Variants in PPFIA2 observed in about 807,000 individuals in gnomAD.
The protein encoded by PPFIA2 is liprin-alpha-2.
PPFIA2 carries 46 observed loss-of-function variants against 175.5 expected under a neutral mutation model. The observed-to-expected ratio is 0.26, with a 90% CI of 0.21 to 0.34. The LOEUF (loss-of-function observed/expected upper bound fraction) is 0.34, where lower values mean the gene tolerates loss of function less well. PPFIA2 is among the 10% of genes least tolerant of loss of function. The probability of loss-of-function intolerance (pLI) is 1.00; values close to 1 mark genes in which losing one functional copy is unlikely to be tolerated. For synonymous variants in PPFIA2, 568 were observed against 511.4 expected, an observed-to-expected ratio of 1.11 and a Z score of -1.49; for missense variants, 1,179 against 1,506.1, an observed-to-expected ratio of 0.78 and a Z score of 3.60.
At chr12:81,754,816 A>G (rs1305662111) in intron 2 of PPFIA2, among the ~76,000 whole-genome samples, 2 of 152,120 alleles carry the variant, frequency 1.3e-5, no homozygotes, top group South Asian at 2.1e-4. Flanking sequence ...ATTTTTTTCA[A>G]ACTGACTAGT....
chr12:81,271,474 T>C (rs926644392), intron 28 of PPFIA2, among the ~76,000 whole-genome samples: 1 of 152,162 alleles, frequency 6.6e-6, no homozygotes, highest in East Asian at 1.9e-4. Context: ...TTTACCATGT[T>C]AGTCAGGCTG....
intron 3 of PPFIA2, among the ~76,000 whole-genome samples, chr12:81,691,574 T>C (rs1344454928): frequency 2.0e-5 from 3 of 152,114 alleles, no homozygotes; most frequent in Non-Finnish European, 4.4e-5. Flanking sequence ...CAATACTAAG[T>C]GAATCATTTC....
chr12:81,678,931 C>T (rs538195444), intron 3 of PPFIA2, among the ~76,000 whole-genome samples: 7 of 151,716 alleles, frequency 4.6e-5, no homozygotes, highest in Admixed American at 1.3e-4. Flanking sequence ...ACATCATGCC[C>T]AACATAAAAA....
intron 3 of PPFIA2, among the ~76,000 whole-genome samples, chr12:81,682,008 T>C (rs1185001951): frequency 6.6e-6 from 1 of 152,014 alleles, no homozygotes; most frequent in Non-Finnish European, 1.5e-5. Context: ...AATATGAAAA[T>C]ACTTAAAACA....
intron 28 of PPFIA2, among the ~76,000 whole-genome samples, chr12:81,273,335 G>A (rs150586456): frequency 6.6e-6 from 1 of 151,962 alleles, no homozygotes; most frequent in Non-Finnish European, 1.5e-5. Context: ...ACCCCACTCC[G>A]TTCCCTGCTT....
intron 8 of PPFIA2, among the ~76,000 whole-genome samples, chr12:81,402,549 T>A (rs2042260302): frequency 6.6e-6 from 1 of 152,062 alleles, no homozygotes; most frequent in Non-Finnish European, 1.5e-5. Flanking sequence ...TATCAAGAAA[T>A]GTCAGGTAAA....
chr12:81,334,352 C>T (rs930885860), intron 21 of PPFIA2, among the ~76,000 whole-genome samples: 1 of 152,038 alleles, frequency 6.6e-6, no homozygotes, highest in South Asian at 2.1e-4. Context: ...TCCTCGATGC[C>T]GATAGCCATG....
intron 16 of PPFIA2, among the ~76,000 whole-genome samples, chr12:81,357,311 G>A (rs1407566062): frequency 6.6e-6 from 1 of 151,988 alleles, no homozygotes; most frequent in Non-Finnish European, 1.5e-5. Context: ...TTAATACATG[G>A]CATACTGGTG....
chr12:81,744,696 G>A (rs536139074), intron 3 of PPFIA2, among the ~76,000 whole-genome samples: 29 of 152,278 alleles, frequency 1.9e-4, no homozygotes, highest in East Asian at 1.9e-4. Flanking sequence ...AAAGTGCTGG[G>A]ATTACAGGCA....
intron 7 of PPFIA2, among the ~76,000 whole-genome samples, chr12:81,428,401 G>T (rs1038138611): frequency 2.0e-5 from 3 of 152,002 alleles, no homozygotes; most frequent in African/African-American, 7.2e-5. Flanking sequence ...AGTGGAAGTA[G>T]CAAACAGCAA....
chr12:81,457,410 C>T (rs185274655), intron 5 of PPFIA2, among the ~76,000 whole-genome samples: 25 of 152,038 alleles, frequency 1.6e-4, no homozygotes, highest in African/African-American at 5.5e-4. Context: ...CTCTTTTGCC[C>T]ATTTCCAACC....
At chr12:81,548,819 G>A (rs1470715352) in intron 4 of PPFIA2, among the ~76,000 whole-genome samples, 3 of 152,036 alleles carry the variant, frequency 2.0e-5, no homozygotes, top group Non-Finnish European at 4.4e-5. Context: ...TAAGTATGTT[G>A]AATAAATGTT....
At chr12:81,376,142 T>C (rs929777649) in intron 9 of PPFIA2, among the ~76,000 whole-genome samples, 200 bp from the exon 10 acceptor site, 1 of 152,184 alleles carries the variant, frequency 6.6e-6, no homozygotes, top group Non-Finnish European at 1.5e-5. Flanking sequence ...GTATCTTCGG[T>C]TAACCAAAAG....
At chr12:81,568,529 C>T (rs920083332) in intron 4 of PPFIA2, among the ~76,000 whole-genome samples, 1 of 152,178 alleles carries the variant, frequency 6.6e-6, no homozygotes, top group African/African-American at 2.4e-5. Flanking sequence ...TTGCTTTTTC[C>T]CATGGCTGGC....
At chr12:81,443,845 CTTTTTTTTTTT>C (rs1183160145) in intron 6 of PPFIA2, among the ~76,000 whole-genome samples, 7 of 71,164 alleles carry the variant, frequency 9.8e-5, no homozygotes, top group Admixed American at 3.0e-4. Flanking sequence ...GCCAACCTTT[CTTTTTTTTTTT>C]TTTTTTTTTT....
At chr12:81,738,143 AG>A (rs1345221230) in intron 3 of PPFIA2, among the ~76,000 whole-genome samples, 1 of 151,950 alleles carries the variant, frequency 6.6e-6, no homozygotes, top group African/African-American at 2.4e-5. Flanking sequence ...TTACTCTCAA[AG>A]AAGAAACAAT....
chr12:81,504,344 C>T (rs902740409), intron 4 of PPFIA2, among the ~76,000 whole-genome samples: 1 of 151,986 alleles, frequency 6.6e-6, no homozygotes, highest in Non-Finnish European at 1.5e-5. Context: ...AAGATATGAA[C>T]AGACACTTCT....
chr12:81,566,530 C>CAAAAA (rs3075452), intron 4 of PPFIA2, among the ~76,000 whole-genome samples: 2,722 of 66,064 alleles, frequency 0.041, no homozygotes, highest in Non-Finnish European at 0.049. Flanking sequence ...GACTCCAACT[C>CAAAAA]AAAAAAAAAA....
At chr12:81,702,157 T>C (rs1236516533) in intron 3 of PPFIA2, among the ~76,000 whole-genome samples, 1 of 151,300 alleles carries the variant, frequency 6.6e-6, no homozygotes, top group Non-Finnish European at 1.5e-5. Flanking sequence ...TTCTGAGACC[T>C]ACCCCCACCA....
Sources: gnomAD v4.1 joint callset for allele counts (sites outside exome capture counted in the v4.1 genomes callset) on GRCh38, gnomAD v4.1.1 for gene constraint, MANE v1.5 for transcripts, NCBI Gene and HGNC (gene_info 2026-07-23, HGNC 2026-07-21) for gene names.